L3MBTL4: variants seen among roughly 807,000 people sequenced by gnomAD.
L3MBTL4 encodes L3MBTL histone methyl-lysine binding protein 4.
In L3MBTL4, 70 loss-of-function variants were observed where a neutral mutation model predicts 84.5. The ratio of observed to expected loss-of-function variants is 0.83; its 90% CI spans 0.68 to 1.01. L3MBTL4 has a LOEUF of 1.01. Among genes scored for constraint, L3MBTL4 ranks in the 50% least tolerant of loss-of-function variants. L3MBTL4 has a pLI of 0.00. For synonymous variants in L3MBTL4, 274 were observed against 259.8 expected (o/e 1.05, Z -0.52); for missense variants, 715 against 754.8 (o/e 0.95, Z 0.62).
At chr18:6,051,835 A>G (rs897021469) in intron 16 of L3MBTL4, among the ~76,000 whole-genome samples, 4 of 152,038 alleles carry the variant, frequency 2.6e-5, no homozygotes, top group African/African-American at 9.7e-5. Context: ...CATGGCGTTC[A>G]CTACACTACC....
At chr18:6,261,971 G>T (rs542183430) in intron 5 of L3MBTL4, among the ~76,000 whole-genome samples, 4 of 152,038 alleles carry the variant, frequency 2.6e-5, no homozygotes, top group Non-Finnish European at 4.4e-5. Flanking sequence ...GCGGCAGAGT[G>T]GGGGGGTGGG....
intron 14 of L3MBTL4, among the ~76,000 whole-genome samples, chr18:6,127,186 A>C (rs903295274): frequency 3.9e-5 from 6 of 152,244 alleles, no homozygotes; most frequent in African/African-American, 1.4e-4. Context: ...TTTACTTTCT[A>C]TATCAAGCTT....
In L3MBTL4 at chr18:5,995,551, C is replaced by T. The variant is rs117911846; in HGVS notation, c.1445-25989G>A. ...TCAAGTAAGCTAGATGTGTACCTAGCTTTGCTCTTTTCTTTCTGTTTTCAG... is the reference window on the plus strand; with the variant it reads ...TCAAGTAAGCTAGATGTGTACCTAGTTTTGCTCTTTTCTTTCTGTTTTCAG... On this transcript the variant is annotated intron_variant, in intron 16 of 18. Transcript: ENST00000317931. Among the ~76,000 whole-genome samples the T allele has an allele frequency of 5.1e-4, 78 of 152,326 alleles. 1 individual carries two copies. In the East Asian group the frequency reaches 0.013, roughly 26 times the overall value.
At chr18:6,027,429 T>TC (rs2055562888) in intron 16 of L3MBTL4, among the ~76,000 whole-genome samples, 1 of 152,246 alleles carries the variant, frequency 6.6e-6, no homozygotes, top group South Asian at 2.1e-4. Context: ...CTTTGTCCAG[T>TC]CTATCATTGA....
intron 13 of L3MBTL4, among the ~76,000 whole-genome samples, chr18:6,160,982 G>T (rs1214455068): frequency 2.0e-5 from 3 of 152,180 alleles, no homozygotes; most frequent in Non-Finnish European, 4.4e-5. Flanking sequence ...GTTTCCAAAT[G>T]ATGTGACTAA....
At chr18:6,231,643 A>G (rs1243189993) in intron 10 of L3MBTL4, among the ~76,000 whole-genome samples, 1 of 152,078 alleles carries the variant, frequency 6.6e-6, no homozygotes, top group African/African-American at 2.4e-5. Context: ...ATTCCTAAGT[A>G]TTTTATTATT....
chr18:6,121,990 G>T (rs1254635860), intron 14 of L3MBTL4, among the ~76,000 whole-genome samples: 3 of 152,182 alleles, frequency 2.0e-5, no homozygotes, highest in Admixed American at 6.5e-5. Flanking sequence ...ATAGGAGAAA[G>T]AGTATCAGAT....
chr18:6,022,953 C>T (rs1243403015), intron 16 of L3MBTL4, among the ~76,000 whole-genome samples: 1 of 152,150 alleles, frequency 6.6e-6, no homozygotes, highest in Admixed American at 6.5e-5. Context: ...CACTTTTGAG[C>T]CTCCTGACCT....
intron 16 of L3MBTL4, among the ~76,000 whole-genome samples, chr18:5,981,239 G>A (rs1159256813): frequency 6.6e-6 from 1 of 152,096 alleles, no homozygotes; most frequent in Non-Finnish European, 1.5e-5. Context: ...TAAAATTAAG[G>A]CTAGTCTTCT....
chr18:6,283,451 C>A (rs2729745), intron 4 of L3MBTL4, among the ~76,000 whole-genome samples: 31,698 of 151,932 alleles, frequency 0.21, 3,574 homozygotes, highest in African/African-American at 0.29. Context: ...AAAATAAGTT[C>A]TTTCCTAAGC....
intron 1 of L3MBTL4, among the ~76,000 whole-genome samples, chr18:6,365,228 G>T (rs2053882723): frequency 6.6e-6 from 1 of 151,930 alleles, no homozygotes; most frequent in Non-Finnish European, 1.5e-5. Context: ...GCTTTAGAAA[G>T]GTTACAAAAT....
At chr18:6,185,944 C>T (rs1326601276) in intron 12 of L3MBTL4, among the ~76,000 whole-genome samples, 1 of 145,382 alleles carries the variant, frequency 6.9e-6, no homozygotes, top group Non-Finnish European at 1.5e-5. Context: ...GAAGTGAAAA[C>T]CAAAAAGGGC....
At position 6,205,336 on chromosome 18, in the gene L3MBTL4, T is replaced by C. The variant is rs564542326; in HGVS notation, c.981+7813A>G. 3.3e-5 allele frequency among the ~76,000 whole-genome samples: 5 copies of C among 152,340 alleles called. No homozygotes were observed. In the South Asian group the frequency reaches 1.0e-3, roughly 32 times the overall value. On this transcript the variant is annotated intron_variant, in intron 12 of 18. Coordinates refer to ENST00000317931, the MANE Select transcript of L3MBTL4 (RefSeq NM_001330559.2). ...CAGAGCTTCCAGAAGGAACCAGCCT[T>C]GCGGACACCTTCATTTTAGACCAGT...
At chr18:6,078,104 G>A (rs577700682) in intron 16 of L3MBTL4, among the ~76,000 whole-genome samples, 2 of 141,256 alleles carry the variant, frequency 1.4e-5, no homozygotes, top group Admixed American at 7.3e-5. Context: ...TCAAATCTAT[G>A]CCCAGACCAA....
chr18:6,181,784 A>G (rs985688740), intron 12 of L3MBTL4, among the ~76,000 whole-genome samples: 1 of 152,162 alleles, frequency 6.6e-6, no homozygotes, highest in African/African-American at 2.4e-5. Flanking sequence ...TTTCTATATT[A>G]GTTCACTTAG....
At chr18:6,180,920 A>T (rs915691387) in intron 12 of L3MBTL4, among the ~76,000 whole-genome samples, 2 of 152,220 alleles carry the variant, frequency 1.3e-5, no homozygotes, top group African/African-American at 4.8e-5. Context: ...TGGTATGTAC[A>T]CGCAATGGAA....
At chr18:6,318,491 T>G (rs80173502) in intron 1 of L3MBTL4, among the ~76,000 whole-genome samples, 1 of 2,912 alleles carries the variant, frequency 3.4e-4, no homozygotes, top group Admixed American at 4.0e-3. Context: ...CAAACAACAA[T>G]AGTAAAAAAA....
At chr18:5,967,052 C>A (rs893218462) in intron 17 of L3MBTL4, among the ~76,000 whole-genome samples, 1 of 152,218 alleles carries the variant, frequency 6.6e-6, no homozygotes, top group African/African-American at 2.4e-5. Flanking sequence ...CTCTACAGAT[C>A]TGTGCAATTC....
intron 16 of L3MBTL4, among the ~76,000 whole-genome samples, chr18:6,055,531 A>G (rs888050498): frequency 6.6e-6 from 1 of 152,216 alleles, no homozygotes; most frequent in Non-Finnish European, 1.5e-5. Context: ...TGCTGGGGCA[A>G]TCTAGACAGC....
Sources: allele counts gnomAD v4.1 joint callset (sites outside exome capture counted in the v4.1 genomes callset), GRCh38; gene constraint gnomAD v4.1.1; transcripts MANE v1.5; gene names NCBI Gene and HGNC (gene_info 2026-07-23, HGNC 2026-07-21).